The following CACNA2D2 variants were observed in gnomAD, a reference collection of about 807,000 sequenced individuals.
CACNA2D2 encodes voltage-dependent calcium channel subunit alpha-2/delta-2.
Under a neutral mutation model 166.4 loss-of-function variants are expected in CACNA2D2, and 48 were observed. That is an observed-to-expected ratio of 0.29 (90% CI 0.23 to 0.37). CACNA2D2 has a LOEUF of 0.37. Ranked by LOEUF, CACNA2D2 falls within the 10% of genes least tolerant of loss-of-function variation. The probability of loss-of-function intolerance (pLI) is 1.00; values close to 1 mark genes in which losing one functional copy is unlikely to be tolerated. For missense variants in CACNA2D2, 1,122 were observed against 1,433.0 expected (o/e 0.78, Z 3.50); for synonymous variants, 561 against 573.7 (o/e 0.98, Z 0.32).
chr3:50,429,592 C>CAAAAAAAAA (rs1160685582), intron 3 of CACNA2D2, among the ~76,000 whole-genome samples: 23 of 52,636 alleles, frequency 4.4e-4, no homozygotes, highest in East Asian at 8.9e-4. Context: ...ACTAAAAATA[C>CAAAAAAAAA]AAAAAAAAAA....
chr3:50,366,474 G>C lies in CACNA2D2; in HGVS notation c.2637+104C>G. 1 of 1,477,892 alleles carries C rather than the reference G, an allele frequency of 6.8e-7. No homozygotes were observed. The highest frequency in any genetic ancestry group is 9.5e-7 in the Non-Finnish European group (1 of 1,056,694). 91.5% of individuals were successfully genotyped at this position (1,477,892 alleles called of 1,614,324 possible). A position where few individuals can be genotyped will look rare whatever the true frequency, so the allele number is the denominator to read the frequency against. Reference sequence around the variant, plus strand: ...AAGGCTGTGAAGTCAGGGTGGGGATGTTGAGACCCACAGGCCAAGGGATGT... The same window carrying C: ...AAGGCTGTGAAGTCAGGGTGGGGATCTTGAGACCCACAGGCCAAGGGATGT... On this transcript the variant is annotated intron_variant, in intron 30 of 37. Transcript: ENST00000424201. This position sits in a 1 kb window ranked among gnomAD's most constrained non-coding sequence, Gnocchi z 5.9.
At chr3:50,492,730 G>A (rs895553970) in intron 1 of CACNA2D2, among the ~76,000 whole-genome samples, 5 of 152,340 alleles carry the variant, frequency 3.3e-5, no homozygotes, top group South Asian at 2.1e-4. Context: ...CTCCAAGGAC[G>A]TCAGCCTGGT....
At chr3:50,496,039 T>G (rs1247731533) in intron 1 of CACNA2D2, among the ~76,000 whole-genome samples, 1 of 152,206 alleles carries the variant, frequency 6.6e-6, no homozygotes, top group Non-Finnish European at 1.5e-5. Flanking sequence ...CTCAGGCTGT[T>G]TCTAACATAA....
intron 3 of CACNA2D2, among the ~76,000 whole-genome samples, chr3:50,413,161 G>A (rs773412364): frequency 8.5e-5 from 13 of 152,158 alleles, no homozygotes; most frequent in South Asian, 4.1e-4. Flanking sequence ...CCTAGGAAGC[G>A]GAGCTGGTTG....
chr3:50,441,327 T>C (rs909508472), intron 2 of CACNA2D2, among the ~76,000 whole-genome samples: 32 of 152,224 alleles, frequency 2.1e-4, no homozygotes, highest in African/African-American at 6.8e-4. Context: ...TAGTTGACTG[T>C]CATCCATTAC....
intron 3 of CACNA2D2, 87 bp downstream of exon 3, chr3:50,434,225 AG>A: frequency 1.1e-6 from 1 of 880,072 alleles, no homozygotes; most frequent in Non-Finnish European, 1.9e-6. Flanking sequence ...CACGTGATGA[AG>A]GCTCAGGACA....
Position 50,365,034 on chromosome 3 carries a change from C to A in CACNA2D2, c.3208+41G>T. On this transcript the variant is annotated intron_variant, in intron 36 of 37. Coordinates refer to ENST00000424201, the MANE Select transcript of CACNA2D2 (RefSeq NM_006030.4). This position sits in a 1 kb window ranked among gnomAD's most constrained non-coding sequence, Gnocchi z 4.5. Reference sequence around the variant, plus strand: ...GGCGGCACGGAGGGGGCGCGCGGGGCAGAGGGGGAGCGGGCGGCGGGGAGG... The same window carrying A: ...GGCGGCACGGAGGGGGCGCGCGGGGAAGAGGGGGAGCGGGCGGCGGGGAGG... The A allele has an allele frequency of 6.3e-7, 1 of 1,576,426 alleles. No individual in the cohort carries two copies.
At chr3:50,409,560 G>C (rs939335296) in intron 3 of CACNA2D2, among the ~76,000 whole-genome samples, 1 of 152,262 alleles carries the variant, frequency 6.6e-6, no homozygotes, top group Non-Finnish European at 1.5e-5. Context: ...ACTTGCTGTG[G>C]CCAGCATCGC....
intron 1 of CACNA2D2, among the ~76,000 whole-genome samples, chr3:50,494,910 A>G (rs1698662858): frequency 6.6e-6 from 1 of 152,184 alleles, no homozygotes; most frequent in African/African-American, 2.4e-5. Flanking sequence ...TCCTGGGCTC[A>G]AGTGATCCTC....
intron 2 of CACNA2D2, among the ~76,000 whole-genome samples, chr3:50,443,587 G>T (rs751097706): frequency 1.3e-5 from 2 of 152,120 alleles, no homozygotes; most frequent in African/African-American, 4.8e-5. Flanking sequence ...CCTTCAGTCC[G>T]TTCACCACCT....
At chr3:50,470,149 C>T (rs997414564) in intron 2 of CACNA2D2, among the ~76,000 whole-genome samples, 2 of 152,228 alleles carry the variant, frequency 1.3e-5, no homozygotes, top group African/African-American at 4.8e-5. Flanking sequence ...ACTCTAGGAG[C>T]CAGGGGCCCA....
intron 3 of CACNA2D2, among the ~76,000 whole-genome samples, chr3:50,403,355 C>G (rs761326652): frequency 6.6e-6 from 1 of 152,180 alleles, no homozygotes; most frequent in Non-Finnish European, 1.5e-5. Flanking sequence ...CAGCTTCTCT[C>G]TAGGGCCTTC....
intron 3 of CACNA2D2, among the ~76,000 whole-genome samples, chr3:50,423,809 G>C (rs2236967): frequency 6.6e-6 from 1 of 152,184 alleles, no homozygotes; most frequent in African/African-American, 2.4e-5. Flanking sequence ...AGGAAGCTTC[G>C]AGCAGCTGGA....
At position 50,378,973 on chromosome 3, in the gene CACNA2D2, G is replaced by T. The variant is rs150534078; in HGVS notation, c.1281C>A (p.Ser427=). The T allele has an allele frequency of 6.2e-7, 1 of 1,613,918 alleles. No individual in the cohort carries two copies. The highest frequency in any genetic ancestry group is 2.2e-5 in the East Asian group (1 of 44,890). ...TGACGTCATAGTTATGCTGCCCCAC[G>T]GAGAAAGTAAACACGCGCACCTGTG... ...PNRTVRVFTF[S]VGQHNYDVTP... Residue 427 remains serine (S), a synonymous_variant, in exon 13 of 38, where the codon TCC becomes TCA. Coordinates refer to ENST00000424201, the MANE Select transcript of CACNA2D2 (RefSeq NM_006030.4).
At chr3:50,435,591 T>TAGAGTGAC (rs1268951286) in intron 2 of CACNA2D2, among the ~76,000 whole-genome samples, 3 of 135,386 alleles carry the variant, frequency 2.2e-5, no homozygotes, top group African/African-American at 8.7e-5. Flanking sequence ...ATAAGGTCGG[T>TAGAGTGAC]AGAGTGACAG....
At chr3:50,474,808 T>C (rs545281486) in intron 2 of CACNA2D2, among the ~76,000 whole-genome samples, 5 of 152,286 alleles carry the variant, frequency 3.3e-5, no homozygotes, top group East Asian at 1.9e-4. Context: ...TGAGCCTAAA[T>C]TGACTCCTGT....
At chr3:50,421,960 G>A (rs1396136823) in intron 3 of CACNA2D2, among the ~76,000 whole-genome samples, 1 of 152,062 alleles carries the variant, frequency 6.6e-6, no homozygotes, top group Non-Finnish European at 1.5e-5. Flanking sequence ...GCAGGCAGGA[G>A]GCACTGCCTG....
In CACNA2D2 at chr3:50,474,002, C is replaced by T. The variant is rs556422058; in HGVS notation, c.288+2116G>A. Among the ~76,000 whole-genome samples the T allele has an allele frequency of 3.3e-5, 5 of 152,354 alleles. No homozygotes were observed. The South Asian group carries it at 1.0e-3, about 32-fold the overall frequency. ...CACTTCTCTGCCTGCCTGCCTGCCA[C>T]GCTGAGCACGGCCCTGCTCTGGCCC... On this transcript the variant is annotated intron_variant, in intron 2 of 37. Transcript: ENST00000424201.
chr3:50,428,583 C>A (rs953457772), intron 3 of CACNA2D2, among the ~76,000 whole-genome samples: 5 of 152,200 alleles, frequency 3.3e-5, no homozygotes, highest in African/African-American at 1.2e-4. Flanking sequence ...GATGCTCATT[C>A]CCCAGAGAGG....
Sources: allele counts gnomAD v4.1 joint callset (sites outside exome capture counted in the v4.1 genomes callset), GRCh38; gene constraint gnomAD v4.1.1; non-coding constraint Gnocchi (gnomAD v3.1); transcripts MANE v1.5; gene names NCBI Gene and HGNC (gene_info 2026-07-23, HGNC 2026-07-21).